The following EML6 variants were observed in gnomAD, a reference collection of about 807,000 sequenced individuals.
The protein encoded by EML6 is echinoderm microtubule-associated protein-like 6.
A neutral mutation model predicts 240.1 loss-of-function variants in EML6; 154 were observed. The observed-to-expected ratio is 0.64, with a 90% CI of 0.56 to 0.73. EML6 has a LOEUF of 0.73. EML6 is among the 30% of genes least tolerant of loss of function. The pLI is 0.00. For missense variants in EML6, 2,964 were observed against 2,474.6 expected (o/e 1.20, Z -4.20); for synonymous variants, 1,148 against 899.0 (o/e 1.28, Z -4.95).
intron 2 of EML6, among the ~76,000 whole-genome samples, chr2:54,782,386 T>C (rs1668891366): frequency 6.6e-6 from 1 of 152,160 alleles, no homozygotes; most frequent in South Asian, 2.1e-4. Context: ...TTTAGAGTAA[T>C]TGACATTTTG....
At chr2:54,802,659 ACTACTACTG>A (rs973203002) in intron 2 of EML6, among the ~76,000 whole-genome samples, 5 of 146,784 alleles carry the variant, frequency 3.4e-5, no homozygotes, top group East Asian at 2.0e-4. Context: ...TACTACTACT[ACTACTACTG>A]CTACTACTAC....
intron 9 of EML6, 126 bp downstream of exon 9, chr2:54,847,749 A>G (rs1669845067): frequency 2.4e-5 from 22 of 922,202 alleles, no homozygotes; most frequent in South Asian, 7.5e-5. Flanking sequence ...GGAATACTAT[A>G]GATCTACGAT....
At chr2:54,746,551 G>T (rs757373822) in intron 2 of EML6, among the ~76,000 whole-genome samples, 5 of 152,148 alleles carry the variant, frequency 3.3e-5, no homozygotes, top group Admixed American at 3.3e-4. Context: ...AAAGAGTGTT[G>T]TTGTTGTTAC....
At chr2:54,959,323 A>C in intron 34 of EML6, 62 bp downstream of exon 34, 3 of 1,438,972 alleles carry the variant, frequency 2.1e-6, no homozygotes, top group South Asian at 1.4e-5. Context: ...GAAACTGACA[A>C]AAGTGTTCCC....
intron 24 of EML6, among the ~76,000 whole-genome samples, chr2:54,904,950 T>G (rs1292446805): frequency 6.6e-6 from 1 of 152,220 alleles, no homozygotes; most frequent in African/African-American, 2.4e-5. Flanking sequence ...GAATTTGGAC[T>G]TTATTTCAGC....
chr2:54,846,921 G>GTTTTTTTT (rs1558606488), intron 8 of EML6, among the ~76,000 whole-genome samples: 1 of 81,198 alleles, frequency 1.2e-5, no homozygotes, highest in Admixed American at 1.7e-4. Flanking sequence ...GTATGAAGTA[G>GTTTTTTTT]TATTTTTTTT....
rs1676863111 is a variant in EML6, at chr2:54,968,778, T to G, written c.5852+10T>G. ...GAGGAGACGACTGCAGGTACTAACG[T>G]AGCTGACCCAGTTCTTACTCCACAG... On this transcript the variant is annotated intron_variant, in intron 41 of 41. Coordinates refer to ENST00000356458, the MANE Select transcript of EML6 (RefSeq NM_001039753.4). 6.9e-7 allele frequency: 1 copy of G among 1,451,600 alleles called. No homozygotes were observed. Among genetic ancestry groups the G allele is most frequent in the Admixed American group, 2.0e-5 (1 of 50,856 alleles). 89.9% of individuals were successfully genotyped at this position (1,451,600 alleles called of 1,614,324 possible).
intron 2 of EML6, among the ~76,000 whole-genome samples, chr2:54,771,708 C>T (rs1164660998): frequency 1.3e-5 from 2 of 152,250 alleles, no homozygotes; most frequent in Non-Finnish European, 2.9e-5. Context: ...CTGTTCCTCA[C>T]AGTTGTCCGA....
chr2:54,793,508 C>G (rs1669580278), intron 2 of EML6, among the ~76,000 whole-genome samples: 1 of 150,646 alleles, frequency 6.6e-6, no homozygotes, highest in Non-Finnish European at 1.5e-5. Context: ...TCAAGGAAGG[C>G]AAATGGTTAC....
intron 25 of EML6, among the ~76,000 whole-genome samples, chr2:54,912,020 A>G (rs1399099445): frequency 6.6e-6 from 1 of 152,250 alleles, no homozygotes; most frequent in Non-Finnish European, 1.5e-5. Context: ...AAAAGGAGGT[A>G]AGGGTATGCC....
intron 3 of EML6, among the ~76,000 whole-genome samples, chr2:54,815,039 T>C (rs1226991625): frequency 6.6e-6 from 1 of 152,264 alleles, no homozygotes; most frequent in Non-Finnish European, 1.5e-5. Flanking sequence ...TGTACTGGTA[T>C]GCACCTTCTC....
At chr2:54,769,060 G>T (rs142010209) in intron 2 of EML6, among the ~76,000 whole-genome samples, 9 of 152,266 alleles carry the variant, frequency 5.9e-5, no homozygotes, top group African/African-American at 2.2e-4. Flanking sequence ...GCTGGGAAAT[G>T]ACTTATTTTG....
chr2:54,742,584 A>G (rs1475383245), intron 2 of EML6, among the ~76,000 whole-genome samples: 1 of 152,196 alleles, frequency 6.6e-6, no homozygotes, highest in Non-Finnish European at 1.5e-5. Flanking sequence ...CCAGTTATGC[A>G]GGCGACTGGC....
At chr2:54,831,968 T>G (rs1399712668) in intron 7 of EML6, among the ~76,000 whole-genome samples, 1 of 152,212 alleles carries the variant, frequency 6.6e-6, no homozygotes. Flanking sequence ...AAACTTTGCT[T>G]TAAACTAATA....
At chr2:54,820,161 C>CT (rs1175583604) in intron 4 of EML6, among the ~76,000 whole-genome samples, 4 of 152,054 alleles carry the variant, frequency 2.6e-5, no homozygotes, top group Non-Finnish European at 5.9e-5. Context: ...CCAGTTTGTT[C>CT]TAAATAATTA....
In EML6 at chr2:54,964,114, T is replaced by G; in HGVS notation, c.5286T>G (p.Val1762=). 3 of 1,551,544 alleles carry G rather than the reference T, an allele frequency of 1.9e-6. No individual in the cohort carries two copies. Among genetic ancestry groups the G allele is most frequent in the Non-Finnish European group, 2.6e-6 (3 of 1,146,952 alleles). The change falls in exon 37 of 42, where the codon GTT becomes GTG. Residue 1762 remains valine (V), a synonymous_variant. Coordinates refer to ENST00000356458, the MANE Select transcript of EML6 (RefSeq NM_001039753.4). Reference sequence around the variant, plus strand: ...TCTTGTTGGTGAACAGCCTGAAAGTTTGGGGGAAAAAACGAGACCGGAAAT... The same window carrying G: ...TCTTGTTGGTGAACAGCCTGAAAGTGTGGGGGAAAAAACGAGACCGGAAAT... ...FVILLVNSLK[V]WGKKRDRKSA...
chr2:54,865,395 T>A (rs1451297321), intron 13 of EML6, among the ~76,000 whole-genome samples: 1 of 151,382 alleles, frequency 6.6e-6, no homozygotes, highest in African/African-American at 2.4e-5. Context: ...GAGGATTGCC[T>A]GAGCCCAGGA....
chr2:54,791,134 G>C (rs1669426130), intron 2 of EML6, among the ~76,000 whole-genome samples: 1 of 152,166 alleles, frequency 6.6e-6, no homozygotes, highest in South Asian at 2.1e-4. Flanking sequence ...TAATAGGTGT[G>C]AAGAGAAATT....
At chr2:54,831,189 G>A (rs780974779) in intron 7 of EML6, among the ~76,000 whole-genome samples, 6 of 152,162 alleles carry the variant, frequency 3.9e-5, no homozygotes, top group Non-Finnish European at 8.8e-5. Context: ...CAACTTGCCA[G>A]ATGGGATTAG....
Sources: allele counts gnomAD v4.1 joint callset (sites outside exome capture counted in the v4.1 genomes callset), GRCh38; gene constraint gnomAD v4.1.1; transcripts MANE v1.5; gene names NCBI Gene and HGNC (gene_info 2026-07-23, HGNC 2026-07-21).